Variants in TAFA2 observed in about 807,000 individuals in gnomAD.
The protein encoded by TAFA2 is chemokine-like protein TAFA-2.
A neutral mutation model predicts 18.8 loss-of-function variants in TAFA2; 7 were observed. That is an observed-to-expected ratio of 0.37 (90% CI 0.21 to 0.70). The LOEUF is 0.70. TAFA2 is among the 30% of genes least tolerant of loss of function. TAFA2 has a pLI of 0.53. For missense variants in TAFA2, 122 were observed against 158.1 expected, an observed-to-expected ratio of 0.77 and a Z score of 1.23; for synonymous variants, 60 against 54.2, an observed-to-expected ratio of 1.11 and a Z score of -0.47.
chr12:62,038,825 TAC>T (rs1183415326), intron 1 of TAFA2, among the ~76,000 whole-genome samples: 1 of 152,092 alleles, frequency 6.6e-6, no homozygotes, highest in Non-Finnish European at 1.5e-5. Context: ...CCGCCAAGAG[TAC>T]ACTGTACATC....
At chr12:61,729,975 G>A (rs1565753236) in intron 4 of TAFA2, among the ~76,000 whole-genome samples, 1 of 152,204 alleles carries the variant, frequency 6.6e-6, no homozygotes, top group East Asian at 1.9e-4. Flanking sequence ...GAGAAAGACT[G>A]CAGTGACTGT....
At chr12:61,794,008 C>G (rs1871091371) in intron 2 of TAFA2, among the ~76,000 whole-genome samples, 1 of 151,846 alleles carries the variant, frequency 6.6e-6, no homozygotes, top group Non-Finnish European at 1.5e-5. Flanking sequence ...ATTCATGACT[C>G]TAAAAAATAA....
intron 1 of TAFA2, among the ~76,000 whole-genome samples, chr12:62,123,023 G>GT (rs1870269846): frequency 6.6e-6 from 1 of 152,046 alleles, no homozygotes; most frequent in African/African-American, 2.4e-5. Context: ...CCAGCTACAG[G>GT]TATCTACATA....
intron 1 of TAFA2, among the ~76,000 whole-genome samples, chr12:62,089,708 T>A (rs147295700): frequency 1.3e-5 from 2 of 152,200 alleles, no homozygotes; most frequent in East Asian, 3.9e-4. Context: ...AGCATCTGAA[T>A]GATCTTTTTA....
At chr12:62,085,551 T>C (rs1868415057) in intron 1 of TAFA2, among the ~76,000 whole-genome samples, 1 of 152,192 alleles carries the variant, frequency 6.6e-6, no homozygotes, top group South Asian at 2.1e-4. Flanking sequence ...CCCATTTAAA[T>C]GCCTTCTTTT....
intron 1 of TAFA2, among the ~76,000 whole-genome samples, chr12:62,246,695 TC>T (rs1328095631): frequency 1.3e-5 from 2 of 152,242 alleles, no homozygotes; most frequent in African/African-American, 4.8e-5. Context: ...AATAAGCTGT[TC>T]TTTTTACCAT....
chr12:62,195,347 C>T (rs1013471096), upstream of TAFA2, among the ~76,000 whole-genome samples: 1 of 152,172 alleles, frequency 6.6e-6, no homozygotes, highest in African/African-American at 2.4e-5. Context: ...AAAAAAACTA[C>T]TTTGCTCATC....
intron 2 of TAFA2, among the ~76,000 whole-genome samples, chr12:61,855,888 G>A (rs1450408598): frequency 6.6e-6 from 1 of 151,740 alleles, no homozygotes; most frequent in African/African-American, 2.4e-5. Context: ...AATGCTCCTG[G>A]GAAGAAATAA....
intron 1 of TAFA2, among the ~76,000 whole-genome samples, chr12:62,205,254 T>A (rs1018979453): frequency 2.0e-5 from 3 of 152,182 alleles, no homozygotes; most frequent in Non-Finnish European, 4.4e-5. Context: ...GTGGGAATGC[T>A]CCTGTGTAAG....
intron 1 of TAFA2, among the ~76,000 whole-genome samples, chr12:62,098,296 T>C (rs1869034879): frequency 6.6e-6 from 1 of 152,104 alleles, no homozygotes; most frequent in Non-Finnish European, 1.5e-5. Flanking sequence ...TACCTACCCA[T>C]GGCTAGCAAG....
intron 1 of TAFA2, among the ~76,000 whole-genome samples, chr12:62,024,031 C>T (rs916788714): frequency 2.0e-5 from 3 of 152,118 alleles, no homozygotes; most frequent in South Asian, 2.1e-4. Flanking sequence ...ATATTGGAAT[C>T]GGTTGCCTTA....
intron 1 of TAFA2, among the ~76,000 whole-genome samples, chr12:62,003,438 T>C (rs1253130976): frequency 6.6e-6 from 1 of 152,130 alleles, no homozygotes; most frequent in Non-Finnish European, 1.5e-5. Flanking sequence ...GACTATTTCC[T>C]CTGCCTAGAA....
chr12:61,968,386 T>C (rs1213302629), intron 1 of TAFA2, among the ~76,000 whole-genome samples: 1 of 151,770 alleles, frequency 6.6e-6, no homozygotes, highest in Non-Finnish European at 1.5e-5. Flanking sequence ...TGAATTGTAG[T>C]ATAATAAGCC....
chr12:62,142,453 C>T (rs2062246622), intron 1 of TAFA2, among the ~76,000 whole-genome samples: 1 of 152,120 alleles, frequency 6.6e-6, no homozygotes, highest in South Asian at 2.1e-4. Context: ...TCCATGACAT[C>T]ATGTTTCAGA....
At chr12:61,825,188 G>A (rs1321788900) in intron 2 of TAFA2, among the ~76,000 whole-genome samples, 1 of 152,052 alleles carries the variant, frequency 6.6e-6, no homozygotes, top group African/African-American at 2.4e-5. Context: ...AGAACATAGT[G>A]TCAATTAAAA....
At chr12:62,205,270 T>C (rs2062687158) in intron 1 of TAFA2, among the ~76,000 whole-genome samples, 1 of 152,200 alleles carries the variant, frequency 6.6e-6, no homozygotes, top group Admixed American at 6.5e-5. Context: ...GTAAGGTGTC[T>C]GGTGACCACT....
intron 1 of TAFA2, among the ~76,000 whole-genome samples, chr12:61,917,793 A>C (rs2121357706): frequency 6.6e-6 from 1 of 152,336 alleles, no homozygotes; most frequent in Middle Eastern, 3.4e-3. Flanking sequence ...CTTATGGCCC[A>C]AGAAGCCACA....
chr12:62,179,306 A>G (rs1005547244), intron 1 of TAFA2, among the ~76,000 whole-genome samples: 1 of 152,194 alleles, frequency 6.6e-6, no homozygotes, highest in African/African-American at 2.4e-5. Context: ...AGAAAGGACA[A>G]TGACCAAGAT....
At chr12:62,008,545 A>G (rs1178056188) in intron 1 of TAFA2, among the ~76,000 whole-genome samples, 1 of 152,310 alleles carries the variant, frequency 6.6e-6, no homozygotes, top group East Asian at 1.9e-4. Flanking sequence ...CGCACAACAT[A>G]ACATCTTCTA....
Sources: gnomAD v4.1 joint callset for allele counts (sites outside exome capture counted in the v4.1 genomes callset) on GRCh38, gnomAD v4.1.1 for gene constraint, MANE v1.5 for transcripts, NCBI Gene and HGNC (gene_info 2026-07-23, HGNC 2026-07-21) for gene names.